Variants in MTHFD1L observed in about 807,000 individuals in gnomAD.
MTHFD1L encodes the protein monofunctional C1-tetrahydrofolate synthase, mitochondrial.
Under a neutral mutation model 119.5 loss-of-function variants are expected in MTHFD1L, and 81 were observed. The ratio of observed to expected loss-of-function variants is 0.68; its 90% confidence interval spans 0.57 to 0.82. MTHFD1L has a LOEUF of 0.82. Ranked by LOEUF, MTHFD1L falls within the 40% of genes least tolerant of loss-of-function variation. The pLI is 0.00. For synonymous variants in MTHFD1L, 430 were observed against 475.2 expected, an observed-to-expected ratio of 0.90 and a Z score of 1.24; for missense variants, 1,125 against 1,253.4, an observed-to-expected ratio of 0.90 and a Z score of 1.55.
chr6:151,084,553 G>A (rs1038226784), intron 26 of MTHFD1L, among the ~76,000 whole-genome samples: 3 of 152,184 alleles, frequency 2.0e-5, no homozygotes, highest in African/African-American at 7.2e-5. Context: ...TGTGGGGATT[G>A]CGAGTGTGGG....
chr6:150,901,692 T>C (rs1231157640), intron 7 of MTHFD1L, among the ~76,000 whole-genome samples: 1 of 152,214 alleles, frequency 6.6e-6, no homozygotes, highest in Non-Finnish European at 1.5e-5. Flanking sequence ...TGTCTGACCA[T>C]TGACTGGCCA....
At chr6:151,052,019 C>T (rs959514370) in intron 26 of MTHFD1L, among the ~76,000 whole-genome samples, 6 of 152,130 alleles carry the variant, frequency 3.9e-5, no homozygotes, top group South Asian at 2.1e-4. Context: ...TGCCGGGAGA[C>T]GCAGTGGAGT....
At chr6:151,017,553 G>A (rs568607280) in intron 24 of MTHFD1L, among the ~76,000 whole-genome samples, 3 of 152,056 alleles carry the variant, frequency 2.0e-5, no homozygotes, top group Admixed American at 6.5e-5. Context: ...CACCATGTTC[G>A]TCAGGCTGGT....
chr6:150,869,265 C>T (rs1237909095), intron 1 of MTHFD1L, among the ~76,000 whole-genome samples: 4 of 152,174 alleles, frequency 2.6e-5, no homozygotes, highest in Admixed American at 6.5e-5. Context: ...CCCATCAACC[C>T]GTCATCTAGG....
At chr6:150,968,549 G>T (rs11969896) in intron 19 of MTHFD1L, among the ~76,000 whole-genome samples, 3 of 152,016 alleles carry the variant, frequency 2.0e-5, no homozygotes, top group Non-Finnish European at 4.4e-5. Flanking sequence ...TCTCCCTGTC[G>T]CCCAGCCTGG....
chr6:150,905,036 CTTTTTTTTTT>C (rs36039459), intron 7 of MTHFD1L, among the ~76,000 whole-genome samples: 6 of 111,728 alleles, frequency 5.4e-5, no homozygotes, highest in African/African-American at 2.1e-4. Context: ...TTGTTTTCCT[CTTTTTTTTTT>C]TTTTTTTTTT....
intron 26 of MTHFD1L, among the ~76,000 whole-genome samples, chr6:151,075,791 A>G (rs1792436424): frequency 6.6e-6 from 1 of 152,280 alleles, no homozygotes; most frequent in African/African-American, 2.4e-5. Context: ...TAAATTAGAA[A>G]TCAACACTGA....
At chr6:150,955,506 T>G (rs1440947258) in intron 16 of MTHFD1L, among the ~76,000 whole-genome samples, 13 of 150,344 alleles carry the variant, frequency 8.6e-5, no homozygotes, top group East Asian at 1.9e-4. Context: ...TTTTTTTTTT[T>G]TTTTTTTTTT....
intron 4 of MTHFD1L, among the ~76,000 whole-genome samples, chr6:150,878,700 C>T (rs1780878029): frequency 6.6e-6 from 1 of 152,198 alleles, no homozygotes; most frequent in South Asian, 2.1e-4. Context: ...TCTGATTGAT[C>T]AGTGAGGCCC....
intron 7 of MTHFD1L, among the ~76,000 whole-genome samples, chr6:150,898,517 C>T (rs1262584489): frequency 6.6e-6 from 1 of 152,176 alleles, no homozygotes; most frequent in Non-Finnish European, 1.5e-5. Flanking sequence ...AAATGCAAAG[C>T]AGAATTTTCC....
At chr6:150,897,529 A>G (rs1784438558) in intron 7 of MTHFD1L, among the ~76,000 whole-genome samples, 1 of 152,182 alleles carries the variant, frequency 6.6e-6, no homozygotes, top group Non-Finnish European at 1.5e-5. Flanking sequence ...GCTTTAATGC[A>G]CTTCTTAGCT....
At chr6:150,868,832 G>A (rs1159625635) in intron 1 of MTHFD1L, among the ~76,000 whole-genome samples, 1 of 152,176 alleles carries the variant, frequency 6.6e-6, no homozygotes, top group Non-Finnish European at 1.5e-5. Context: ...AGAGGCCAAA[G>A]TGGGATGATC....
intron 24 of MTHFD1L, among the ~76,000 whole-genome samples, chr6:151,026,575 A>G (rs1246064874): frequency 6.6e-6 from 1 of 152,212 alleles, no homozygotes; most frequent in Admixed American, 6.5e-5. Flanking sequence ...GAATTAGTGT[A>G]GAGTATGAGA....
intron 9 of MTHFD1L, among the ~76,000 whole-genome samples, chr6:150,921,454 G>A (rs1240150449): frequency 6.6e-6 from 1 of 152,094 alleles, no homozygotes; most frequent in African/African-American, 2.4e-5. Context: ...GTTTCACCAT[G>A]TTGCCCAGGC....
chr6:151,060,770 G>T (rs952880108), intron 26 of MTHFD1L, among the ~76,000 whole-genome samples: 2 of 152,236 alleles, frequency 1.3e-5, no homozygotes, highest in African/African-American at 4.8e-5. Context: ...CAAGACCCAG[G>T]TCTTGTGAGG....
Position 150,867,683 on chromosome 6 carries a change from A to G in MTHFD1L, c.227+1634A>G, listed in dbSNP as rs182787742. ...ATGAGACAGCCGTCTCTTCGGTGCTATATCCTAGGTCCTGGAGAGAGTGCC... is the reference window on the plus strand; with the variant it reads ...ATGAGACAGCCGTCTCTTCGGTGCTGTATCCTAGGTCCTGGAGAGAGTGCC... On this transcript the variant is annotated intron_variant, in intron 1 of 27. Transcript: ENST00000367321. Among the ~76,000 whole-genome samples, 14 of 152,208 alleles carry G rather than the reference A, an allele frequency of 9.2e-5. No homozygotes were observed. The East Asian group carries it at 2.5e-3, about 27-fold the overall frequency.
intron 20 of MTHFD1L, among the ~76,000 whole-genome samples, chr6:151,006,992 A>C (rs1181366811): frequency 6.6e-6 from 1 of 152,128 alleles, no homozygotes; most frequent in Non-Finnish European, 1.5e-5. Context: ...CCCCGGTACT[A>C]ATCAGGCCAG....
At chr6:151,041,755 C>A (rs776795687) in intron 26 of MTHFD1L, 2 of 448,802 alleles carry the variant, frequency 4.5e-6, no homozygotes. Flanking sequence ...GGCAGAAAGC[C>A]CCTCTTGTTG....
At chr6:150,941,613 T>A (rs1212057188) in intron 13 of MTHFD1L, among the ~76,000 whole-genome samples, 1 of 152,128 alleles carries the variant, frequency 6.6e-6, no homozygotes, top group East Asian at 1.9e-4. Flanking sequence ...TGTTTGCTGA[T>A]GTTTGCAGGA....
Sources: allele counts gnomAD v4.1 joint callset (sites outside exome capture counted in the v4.1 genomes callset), GRCh38; gene constraint gnomAD v4.1.1; transcripts MANE v1.5; gene names NCBI Gene and HGNC (gene_info 2026-07-23, HGNC 2026-07-21).